The following PRKAR1A variants were observed in gnomAD, a reference collection of about 807,000 sequenced individuals.
PRKAR1A encodes cAMP-dependent protein kinase type I-alpha regulatory subunit.
PRKAR1A carries 3 observed loss-of-function variants against 52.0 expected under a neutral mutation model. The ratio of observed to expected loss-of-function variants is 0.06; its 90% CI spans 0.03 to 0.15. The LOEUF (loss-of-function observed/expected upper bound fraction) is 0.15. PRKAR1A is among the 10% of genes least tolerant of loss of function. The probability of loss-of-function intolerance (pLI) is 1.00; values close to 1 mark genes in which losing one functional copy is unlikely to be tolerated. For synonymous variants in PRKAR1A, 188 were observed against 168.4 expected, an observed-to-expected ratio of 1.12 and a Z score of -0.90; for missense variants, 240 against 477.4, an observed-to-expected ratio of 0.50 and a Z score of 4.63.
At chr17:68,429,852 G>A in the PRKAR1A span, 1 of 1,186,530 alleles carries the variant, frequency 8.4e-7, no homozygotes, top group Non-Finnish European at 1.2e-6. Context: ...GCCTCCCAAG[G>A]TTCCGGGATT....
chr17:68,518,935 C>T (rs141410206), intron 2 of PRKAR1A, among the ~76,000 whole-genome samples: 1 of 152,224 alleles, frequency 6.6e-6, no homozygotes, highest in African/African-American at 2.4e-5. Context: ...GGCCAAAATA[C>T]TGCCAGTCTC....
the PRKAR1A span, among the ~76,000 whole-genome samples, chr17:68,502,450 T>TA: frequency 6.6e-6 from 1 of 151,888 alleles, no homozygotes; most frequent in South Asian, 2.1e-4. Flanking sequence ...ACAACTCAAT[T>TA]AAAAAATGGC....
intron 5 of PRKAR1A, 184 bp downstream of exon 5, chr17:68,524,261 G>A: frequency 1.7e-6 from 1 of 605,212 alleles, no homozygotes; most frequent in Non-Finnish European, 2.9e-6. Context: ...AGAACACTTT[G>A]TATTGGGAAC....
intron 11 of PRKAR1A, chr17:68,542,874 C>T (rs2086371836): frequency 1.5e-6 from 2 of 1,298,650 alleles, no homozygotes; most frequent in Admixed American, 1.7e-5. Flanking sequence ...GGGGTTTTGT[C>T]CCCCGGCCAG....
chr17:68,489,265 AGTATAT>A, the PRKAR1A span, among the ~76,000 whole-genome samples: 1 of 19,978 alleles, frequency 5.0e-5, no homozygotes, highest in Non-Finnish European at 8.2e-5. Context: ...ATATATGGAA[AGTATAT>A]ATATATATAT....
At chr17:68,506,965 CTGTG>C (rs572377308), upstream of PRKAR1A, among the ~76,000 whole-genome samples, 542 of 152,206 alleles carry the variant, frequency 3.6e-3, 2 homozygotes, top group African/African-American at 0.013. Flanking sequence ...ATGAAAAAGG[CTGTG>C]TGTGTATGTT....
chr17:68,414,396 A>T, the PRKAR1A span, among the ~76,000 whole-genome samples: 1 of 152,090 alleles, frequency 6.6e-6, no homozygotes, highest in Admixed American at 6.5e-5. Flanking sequence ...ATTATGGTGA[A>T]TTATCTTTTT....
the PRKAR1A span, among the ~76,000 whole-genome samples, chr17:68,471,647 G>C: frequency 5.9e-5 from 9 of 152,046 alleles, no homozygotes; most frequent in African/African-American, 2.2e-4. Flanking sequence ...AGAGGGGGGA[G>C]GTCTTCGCCA....
the PRKAR1A span, chr17:68,440,657 A>C: frequency 6.6e-6 from 1 of 151,874 alleles, no homozygotes; most frequent in South Asian, 2.1e-4. Context: ...AGTCACTGGC[A>C]GCTATAATTC....
chr17:68,522,956 TG>T (rs1294728388), intron 3 of PRKAR1A, 30 bp downstream of exon 3: 6 of 1,611,042 alleles, frequency 3.7e-6, no homozygotes, highest in Non-Finnish European at 5.1e-6. Flanking sequence ...ATCGGGGGGA[TG>T]CTTTTGGGAC....
At chr17:68,436,497 G>C in the PRKAR1A span, 1 of 1,610,058 alleles carries the variant, frequency 6.2e-7, no homozygotes, top group East Asian at 2.2e-5. Flanking sequence ...AGAAGAAACA[G>C]AACATGAGAA....
At chr17:68,429,365 A>ACTT in the PRKAR1A span, among the ~76,000 whole-genome samples, 1 of 152,136 alleles carries the variant, frequency 6.6e-6, no homozygotes, top group Non-Finnish European at 1.5e-5. Context: ...ACTCCTTTAA[A>ACTT]CTTCTTAAAA....
chr17:68,540,963 G>T (rs745871674), intron 11 of PRKAR1A: 4 of 1,578,342 alleles, frequency 2.5e-6, no homozygotes, highest in Non-Finnish European at 3.4e-6. Flanking sequence ...TCCCACCTGA[G>T]GGGGAGAAGA....
chr17:68,548,499 C>T (rs1834808318), intron 11 of PRKAR1A, among the ~76,000 whole-genome samples: 3 of 151,786 alleles, frequency 2.0e-5, no homozygotes, highest in Admixed American at 2.0e-4. Flanking sequence ...CATTGCACTC[C>T]AGCCTGGGCA....
chr17:68,501,015 C>A, the PRKAR1A span, among the ~76,000 whole-genome samples: 1 of 152,226 alleles, frequency 6.6e-6, no homozygotes, highest in Non-Finnish European at 1.5e-5. Context: ...AACAGCATGA[C>A]AGCTTCCTGT....
chr17:68,541,554 G>A (rs1464325276), intron 11 of PRKAR1A: 2 of 193,468 alleles, frequency 1.0e-5, no homozygotes, highest in Admixed American at 1.1e-4. Flanking sequence ...GCCAGGGAGG[G>A]TGCTAGGTCC....
chr17:68,520,819 C>T (rs1306147596), intron 2 of PRKAR1A, among the ~76,000 whole-genome samples: 1 of 152,156 alleles, frequency 6.6e-6, no homozygotes, highest in Non-Finnish European at 1.5e-5. Flanking sequence ...AGAATGTAGT[C>T]CCAAGTGAAA....
chr17:68,440,367 T>A, the PRKAR1A span, among the ~76,000 whole-genome samples: 1 of 152,240 alleles, frequency 6.6e-6, no homozygotes, highest in African/African-American at 2.4e-5. Flanking sequence ...CTATTGCCAT[T>A]CTGCCAGTCT....
chr17:68,507,471 C>G (rs998236958), upstream of PRKAR1A, among the ~76,000 whole-genome samples: 14 of 152,046 alleles, frequency 9.2e-5, no homozygotes, highest in Non-Finnish European at 1.8e-4. Flanking sequence ...ACACAGGGAG[C>G]AGAACAACAC....
Sources: gnomAD v4.1 joint callset for allele counts (sites outside exome capture counted in the v4.1 genomes callset) on GRCh38, gnomAD v4.1.1 for gene constraint, MANE v1.5 for transcripts, NCBI Gene and HGNC (gene_info 2026-07-23, HGNC 2026-07-21) for gene names.